Variants in PALLD observed in about 807,000 individuals in gnomAD.
PALLD encodes palladin.
A neutral mutation model predicts 123.5 loss-of-function variants in PALLD; 61 were observed. That is an observed-to-expected ratio of 0.49 (90% confidence interval 0.40 to 0.61). PALLD has a LOEUF of 0.61. Among genes scored for constraint, PALLD ranks in the 20% least tolerant of loss-of-function variants. PALLD has a pLI of 0.00. For synonymous variants in PALLD, 465 were observed against 496.4 expected, an observed-to-expected ratio of 0.94 and a Z score of 0.84; for missense variants, 1,273 against 1,377.0, an observed-to-expected ratio of 0.92 and a Z score of 1.20.
chr4:168,901,860 AAAAAG>A (rs1181301004), intron 14 of PALLD, among the ~76,000 whole-genome samples: 2 of 152,206 alleles, frequency 1.3e-5, no homozygotes, highest in African/African-American at 4.8e-5. Context: ...ACTCATCTAA[AAAAAG>A]AAAGTCAACT....
At chr4:168,741,152 T>A (rs1788285937) in intron 10 of PALLD, among the ~76,000 whole-genome samples, 1 of 152,194 alleles carries the variant, frequency 6.6e-6, no homozygotes, top group Non-Finnish European at 1.5e-5. Context: ...AAACTCTGGA[T>A]GGCGGATCAC....
At chr4:168,719,447 A>G (rs768969112) in intron 10 of PALLD, among the ~76,000 whole-genome samples, 13 of 151,686 alleles carry the variant, frequency 8.6e-5, no homozygotes, top group Middle Eastern at 3.2e-3. Flanking sequence ...TTTAGTAGAG[A>G]CGAGGTTTCA....
intron 10 of PALLD, among the ~76,000 whole-genome samples, chr4:168,766,076 C>G (rs1246638680): frequency 6.6e-6 from 1 of 152,168 alleles, no homozygotes; most frequent in Non-Finnish European, 1.5e-5. Flanking sequence ...AGTAAGGACC[C>G]AAGCAGGAAG....
chr4:168,534,857 G>T (rs10518005), intron 2 of PALLD, among the ~76,000 whole-genome samples: 13,179 of 151,928 alleles, frequency 0.087, 817 homozygotes, highest in Non-Finnish European at 0.12. Context: ...GTCTTTTATC[G>T]CATTACCCAA....
intron 10 of PALLD, among the ~76,000 whole-genome samples, chr4:168,748,219 T>C (rs1195030588): frequency 6.6e-6 from 1 of 152,206 alleles, no homozygotes; most frequent in Non-Finnish European, 1.5e-5. Flanking sequence ...ACTGTGGTCC[T>C]CCAAACCAGC....
At chr4:168,664,356 A>T (rs1779418461) in intron 2 of PALLD, among the ~76,000 whole-genome samples, 1 of 152,234 alleles carries the variant, frequency 6.6e-6, no homozygotes. Context: ...CAGAAAAGTT[A>T]AGACAATGAA....
At chr4:168,831,856 G>T in intron 10 of PALLD, 1 of 287,086 alleles carries the variant, frequency 3.5e-6, no homozygotes, top group Non-Finnish European at 5.2e-6. Context: ...TTGTAGCTTG[G>T]CTGCCCCAGG....
intron 2 of PALLD, among the ~76,000 whole-genome samples, chr4:168,533,420 T>G (rs1764786643): frequency 6.6e-6 from 1 of 152,122 alleles, no homozygotes; most frequent in African/African-American, 2.4e-5. Context: ...ATATTTTTCA[T>G]GATTTGGTGA....
intron 10 of PALLD, among the ~76,000 whole-genome samples, chr4:168,782,781 G>T (rs1400360197): frequency 1.3e-5 from 2 of 152,032 alleles, no homozygotes. Context: ...TTGGCATGAT[G>T]ATGTATGCCT....
intron 15 of PALLD, among the ~76,000 whole-genome samples, chr4:168,911,823 A>C (rs1014464053): frequency 6.6e-6 from 1 of 152,214 alleles, no homozygotes; most frequent in African/African-American, 2.4e-5. Context: ...GGAAATTTTC[A>C]GGAAACACAG....
chr4:168,838,902 A>G (rs1745602231), intron 10 of PALLD, among the ~76,000 whole-genome samples: 2 of 152,030 alleles, frequency 1.3e-5, no homozygotes, highest in Non-Finnish European at 2.9e-5. Context: ...ACTGTTAATT[A>G]TTTCATTGAG....
chr4:168,584,514 T>C (rs1320247991), intron 2 of PALLD, among the ~76,000 whole-genome samples: 1 of 152,244 alleles, frequency 6.6e-6, no homozygotes, highest in Non-Finnish European at 1.5e-5. Context: ...CATTAGAGTA[T>C]GTGTTAACAA....
At chr4:168,878,443 C>G (rs910014007) in intron 10 of PALLD, 20 of 1,371,416 alleles carry the variant, frequency 1.5e-5, no homozygotes, top group South Asian at 4.5e-5. Flanking sequence ...CGCCTCGGGT[C>G]GCCCTGGGAC....
chr4:168,539,569 A>AAATG (rs1561224506), intron 2 of PALLD, among the ~76,000 whole-genome samples: 1 of 884 alleles, frequency 1.1e-3, no homozygotes. Context: ...CAAAAAATAA[A>AAATG]AATAAATAAA....
At chr4:168,790,158 C>CTT (rs1181288734) in intron 10 of PALLD, among the ~76,000 whole-genome samples, 5 of 133,528 alleles carry the variant, frequency 3.7e-5, no homozygotes, top group Admixed American at 7.6e-5. Context: ...TTTGTGGTTT[C>CTT]TTTTTTTTTT....
rs766510996 is a variant in PALLD, at chr4:168,690,721, C to T, written c.1454C>T (p.Pro485Leu). Residue 485 changes from proline (P) to leucine (L), a missense_variant, in exon 7 of 22, where the codon CCA becomes CTA. Physicochemically the swap from Pro to Leu is moderately conservative, Grantham distance 98 (BLOSUM62 -3). Around this residue, in one of 2 missense-constraint regions of PALLD, gnomAD observed 944 missense variants for 954.5 expected, o/e 0.99. Transcript: ENST00000505667. ...FRQGSEIQDS[P>L]DFRILQKKPR... The stretch of plus-strand genomic sequence containing the variant: ...CAAGGGAGTGAAATCCAAGACTCTC[C>T]AGATTTCCGAATTCTACAGAAAAGT... The T allele has an allele frequency of 6.2e-7, 1 of 1,614,166 alleles. No homozygotes were observed. Among genetic ancestry groups the T allele is most frequent in the South Asian group, 1.1e-5 (1 of 91,084 alleles).
intron 2 of PALLD, among the ~76,000 whole-genome samples, chr4:168,602,655 A>T (rs1326914661): frequency 6.6e-6 from 1 of 152,212 alleles, no homozygotes; most frequent in Non-Finnish European, 1.5e-5. Context: ...AGATGTTATA[A>T]GGAAAACTAA....
rs367678586 is a variant in PALLD, at chr4:168,597,103, G to A, written c.909-71087G>A. 1.1e-3 allele frequency among the ~76,000 whole-genome samples: 165 copies of A among 152,204 alleles called. 1 individual carries two copies. The highest frequency in any genetic ancestry group is 3.8e-3 in the African/African-American group (157 of 41,548). On this transcript the variant is annotated intron_variant, in intron 2 of 21. Coordinates refer to ENST00000505667, the MANE Select transcript of PALLD (RefSeq NM_001166108.2). ...AGATAATTGTGTTACAGTCAGAATT[G>A]TCACAGATGAATTTTTTTAAAGACA...
intron 10 of PALLD, among the ~76,000 whole-genome samples, chr4:168,807,065 G>C (rs573865777): frequency 2.5e-4 from 38 of 152,142 alleles, no homozygotes; most frequent in African/African-American, 8.4e-4. Flanking sequence ...TACCCAGGGC[G>C]ATGAGAGCCA....
Sources: gnomAD v4.1 joint callset for allele counts (sites outside exome capture counted in the v4.1 genomes callset) on GRCh38, gnomAD v4.1.1 for gene constraint, gnomAD v4.1.1 regional missense constraint, MANE v1.5 for transcripts, NCBI Gene and HGNC (gene_info 2026-07-23, HGNC 2026-07-21) for gene names.